Variants in TMCO5A observed in about 807,000 individuals in gnomAD.
TMCO5A encodes the protein transmembrane and coiled-coil domains 5A, also known as transmembrane and coiled-coil domain-containing protein 5A.
TMCO5A carries 34 observed loss-of-function variants against 42.3 expected under a neutral mutation model. That is an observed-to-expected ratio of 0.80 (90% CI 0.61 to 1.07). The LOEUF (loss-of-function observed/expected upper bound fraction) is 1.07. Among genes scored for constraint, TMCO5A ranks in the 50% least tolerant of loss-of-function variants. The probability of loss-of-function intolerance (pLI) is 0.00; values close to 1 mark genes in which losing one functional copy is unlikely to be tolerated. For missense variants in TMCO5A, 357 were observed against 327.9 expected, an observed-to-expected ratio of 1.09 and a Z score of -0.69; for synonymous variants, 131 against 115.6, an observed-to-expected ratio of 1.13 and a Z score of -0.86.
At chr15:37,998,376 A>G in the TMCO5A span, among the ~76,000 whole-genome samples, 55 of 152,342 alleles carry the variant, frequency 3.6e-4, no homozygotes, top group African/African-American at 1.3e-3. Context: ...TGATTTTTAT[A>G]TATAGCAAGA....
chr15:37,939,240 G>A (rs1326736293), intron 6 of TMCO5A, among the ~76,000 whole-genome samples: 1 of 145,616 alleles, frequency 6.9e-6, no homozygotes, highest in Admixed American at 6.7e-5. Context: ...ATAGAAAATA[G>A]AAATAGAAAA....
At chr15:37,951,428 G>A, downstream of TMCO5A, 1 of 567,584 alleles carries the variant, frequency 1.8e-6, no homozygotes, top group South Asian at 2.5e-5. Flanking sequence ...ATAGATTTAT[G>A]TGGCTCTGTG....
intron 10 of TMCO5A, 88 bp downstream of exon 10, chr15:37,943,486 C>A (rs1889826933): frequency 2.3e-6 from 3 of 1,288,216 alleles, no homozygotes; most frequent in Admixed American, 3.8e-5. Context: ...CAAATATATA[C>A]CCAATCTTGC....
the TMCO5A span, among the ~76,000 whole-genome samples, chr15:37,996,301 A>C: frequency 6.6e-6 from 1 of 152,308 alleles, no homozygotes; most frequent in Middle Eastern, 3.4e-3. Flanking sequence ...ATTGGGTTCT[A>C]ATAAGTGTTG....
At chr15:38,026,443 A>G in the TMCO5A span, among the ~76,000 whole-genome samples, 1 of 152,172 alleles carries the variant, frequency 6.6e-6, no homozygotes, top group African/African-American at 2.4e-5. Flanking sequence ...TGGCAGAAGA[A>G]ATTTCTAAGC....
At chr15:37,968,801 T>G (rs890262651), downstream of TMCO5A, among the ~76,000 whole-genome samples, 2 of 151,962 alleles carry the variant, frequency 1.3e-5, no homozygotes, top group African/African-American at 4.8e-5. Context: ...CAGGCTGGTC[T>G]CCAACTCCTG....
At chr15:38,013,421 G>A in the TMCO5A span, among the ~76,000 whole-genome samples, 4 of 152,102 alleles carry the variant, frequency 2.6e-5, no homozygotes, top group East Asian at 7.7e-4. Flanking sequence ...AGGTAAAGAA[G>A]AAATGCTTAC....
At chr15:37,978,030 C>A in the TMCO5A span, among the ~76,000 whole-genome samples, 1 of 152,174 alleles carries the variant, frequency 6.6e-6, no homozygotes, top group African/African-American at 2.4e-5. Flanking sequence ...AAGGGCAGTA[C>A]CCCTACAATG....
At chr15:37,954,505 A>T (rs1890236020), downstream of TMCO5A, among the ~76,000 whole-genome samples, 1 of 152,064 alleles carries the variant, frequency 6.6e-6, no homozygotes, top group African/African-American at 2.4e-5. Context: ...GACAAACAAA[A>T]TCTGAGGGAC....
chr15:37,941,591 G>A, intron 7 of TMCO5A, 80 bp from the exon 8 acceptor site: 1 of 1,030,586 alleles, frequency 9.7e-7, no homozygotes, highest in South Asian at 1.3e-5. Flanking sequence ...TAGGACCTGG[G>A]ACCCAAGAGA....
At chr15:37,949,311 C>T (rs1890077370) in intron 11 of TMCO5A, among the ~76,000 whole-genome samples, 1 of 152,076 alleles carries the variant, frequency 6.6e-6, no homozygotes, top group African/African-American at 2.4e-5. Flanking sequence ...TTCAATCAAA[C>T]TCTCCAAATG....
chr15:37,968,433 C>T (rs1890607021), downstream of TMCO5A, among the ~76,000 whole-genome samples: 1 of 152,220 alleles, frequency 6.6e-6, no homozygotes, highest in South Asian at 2.1e-4. Flanking sequence ...ACACTTTCCA[C>T]ACTCCTTTGA....
the TMCO5A span, among the ~76,000 whole-genome samples, chr15:37,990,972 A>G: frequency 6.6e-6 from 1 of 152,114 alleles, no homozygotes; most frequent in Non-Finnish European, 1.5e-5. Flanking sequence ...TGTGTGTCCA[A>G]AAGCATAAAT....
At chr15:38,025,716 C>T in the TMCO5A span, among the ~76,000 whole-genome samples, 244 of 152,252 alleles carry the variant, frequency 1.6e-3, no homozygotes, top group African/African-American at 5.8e-3. Context: ...CCCAATCTCA[C>T]TGTACTCCCA....
chr15:37,985,826 T>C, the TMCO5A span, among the ~76,000 whole-genome samples: 30 of 152,170 alleles, frequency 2.0e-4, no homozygotes, highest in Non-Finnish European at 3.4e-4. Flanking sequence ...TTTTAAAAGA[T>C]TCTGAAACTC....
At chr15:38,026,454 A>G in the TMCO5A span, among the ~76,000 whole-genome samples, 3 of 152,224 alleles carry the variant, frequency 2.0e-5, no homozygotes, top group Non-Finnish European at 4.4e-5. Context: ...ATTTCTAAGC[A>G]GCAAAGCATT....
rs148607602 is a variant in TMCO5A at position 37,958,242 on chromosome 15, G to A, written c.669-8383G>A. On this transcript the variant is annotated intron_variant, in intron 11 of 11. Transcript: ENST00000559502. ...AACAAAAACCAAAATAGGTAAATGGGATATATTTAAACTAAAGAGCTACTG... is the reference window on the plus strand; with the variant it reads ...AACAAAAACCAAAATAGGTAAATGGAATATATTTAAACTAAAGAGCTACTG... Among the ~76,000 whole-genome samples, 9 of 152,202 alleles carry A rather than the reference G, an allele frequency of 5.9e-5. No homozygotes were observed. In the East Asian group the frequency reaches 1.7e-3, roughly 29 times the overall value.
chr15:37,986,352 G>A, the TMCO5A span, among the ~76,000 whole-genome samples: 1 of 149,246 alleles, frequency 6.7e-6, no homozygotes, highest in African/African-American at 2.5e-5. Context: ...TGATGGAAGC[G>A]AAAAAAGAGC....
the TMCO5A span, among the ~76,000 whole-genome samples, chr15:38,014,596 T>C: frequency 1.3e-5 from 2 of 152,084 alleles, no homozygotes; most frequent in Admixed American, 6.6e-5. Context: ...TCTGAATTGA[T>C]AGAGAGAGGT....
Sources: gnomAD v4.1 joint callset for allele counts (sites outside exome capture counted in the v4.1 genomes callset) on GRCh38, gnomAD v4.1.1 for gene constraint, MANE v1.5 for transcripts, NCBI Gene and HGNC (gene_info 2026-07-23, HGNC 2026-07-21) for gene names.